CCND3: variants seen among roughly 807,000 people sequenced by gnomAD.
CCND3 encodes cyclin D3, also known as G1/S-specific cyclin-D3.
CCND3 carries 9 observed loss-of-function variants against 28.7 expected under a neutral mutation model. The ratio of observed to expected loss-of-function variants is 0.31; its 90% confidence interval spans 0.19 to 0.55. The LOEUF is 0.55. Ranked by LOEUF, CCND3 falls within the 20% of genes least tolerant of loss-of-function variation. CCND3 has a pLI of 0.93. For missense variants in CCND3, 315 were observed against 385.8 expected (o/e 0.82, Z 1.54); for synonymous variants, 164 against 163.9 (o/e 1.00, Z 0.00).
Position 42,011,156 on chromosome 6 carries a change from C to T in CCND3, c.-46+37345G>A, listed in dbSNP as rs1378096393. On this transcript the variant is annotated intron_variant, in intron 1 of 4. Transcript: ENST00000372988. ...TGATTGACTGAGAATCTCACTCTGT[C>T]ACCCAGGCTGGAGTATGTTGGTGCA... is the stretch of plus-strand genomic sequence containing the variant. The T allele has an allele frequency of 2.0e-5, 3 of 152,322 alleles. No homozygotes were observed. In the East Asian group the frequency reaches 5.8e-4, roughly 29 times the overall value. 9.4% of individuals were successfully genotyped at this position (152,322 alleles called of 1,614,324 possible).
chr6:42,007,343 C>T (rs1474479500), intron 1 of CCND3, among the ~76,000 whole-genome samples: 1 of 152,020 alleles, frequency 6.6e-6, no homozygotes, highest in Non-Finnish European at 1.5e-5. Context: ...GATAGATGGG[C>T]GGGTGGATGG....
rs555647929 is a variant in CCND3, at chr6:42,013,428, T to C, written c.-46+35073A>G. On this transcript the variant is annotated intron_variant, in intron 1 of 4. Transcript: ENST00000372988. ...CTAGATATTGCTAGAATGTAAGCTA[T>C]AGGAGGGCAGGGTTGTTGGCTTGTT... 5.3e-5 allele frequency among the ~76,000 whole-genome samples: 8 copies of C among 152,320 alleles called. No homozygotes were observed. In the South Asian group the frequency reaches 1.4e-3, roughly 28 times the overall value.
upstream of CCND3, chr6:42,049,583 T>C (rs12210689): frequency 0.086 from 13,051 of 152,282 alleles, 744 homozygotes; most frequent in East Asian, 0.25. Flanking sequence ...AAACCACTGG[T>C]AGCCGCGGGC....
chr6:41,951,316 G>C (rs1187104660), intron 1 of CCND3, among the ~76,000 whole-genome samples: 5 of 151,716 alleles, frequency 3.3e-5, no homozygotes, highest in Non-Finnish European at 7.4e-5. Context: ...AGCACTTTGG[G>C]AGGCCAAGGT....
chr6:42,022,447 A>G (rs1430046724), intron 1 of CCND3, among the ~76,000 whole-genome samples: 2 of 152,230 alleles, frequency 1.3e-5, no homozygotes, highest in East Asian at 3.8e-4. Context: ...AAATAAAACA[A>G]ACAATCGTTG....
chr6:42,045,165 T>C (rs1333338765), intron 1 of CCND3, among the ~76,000 whole-genome samples: 1 of 152,030 alleles, frequency 6.6e-6, no homozygotes, highest in African/African-American at 2.4e-5. Context: ...CCCTCTCCCA[T>C]ACTAGCAGCA....
chr6:41,994,694 A>T (rs899392438), intron 1 of CCND3, among the ~76,000 whole-genome samples: 5 of 152,118 alleles, frequency 3.3e-5, no homozygotes, highest in Admixed American at 3.3e-4. Context: ...ATAGTGAGGG[A>T]AGCTGTGCAT....
At chr6:41,937,128 T>A in intron 3 of CCND3, 107 bp downstream of exon 3, 1 of 1,305,974 alleles carries the variant, frequency 7.7e-7, no homozygotes, top group South Asian at 1.2e-5. Context: ...GGGGTATAAT[T>A]TTCACAAAGG....
chr6:42,009,617 C>CA lies in CCND3; in HGVS notation c.-46+38883dup, dbSNP rs1189333669. On this transcript the variant is annotated intron_variant, in intron 1 of 4. Coordinates refer to the CCND3 transcript ENST00000372988. ...ACAAGACCGAAACTCCGTTTCAAAA[C>CA]AAAAAAACAAAACAAAACAAAACAA... 2.2e-3 allele frequency among the ~76,000 whole-genome samples: 128 copies of CA among 58,682 alleles called. 1 individual carries two copies. Among genetic ancestry groups the CA allele is most frequent in the African/African-American group, 5.3e-3 (127 of 23,946 alleles). The allele number at this position is 58,682 out of a possible 152,430, so 38.5% of individuals were successfully genotyped here.
chr6:41,935,725 G>C lies in CCND3; in HGVS notation c.*215C>G. The C allele has an allele frequency of 1.8e-6, 1 of 570,544 alleles. No individual in the cohort carries two copies. Among genetic ancestry groups the C allele is most frequent in the South Asian group, 2.2e-5 (1 of 44,598 alleles). 35.3% of individuals were successfully genotyped at this position (570,544 alleles called of 1,614,324 possible). A position where few individuals can be genotyped will look rare whatever the true frequency, so the allele number is the denominator to read the frequency against. The stretch of plus-strand genomic sequence containing the variant: ...AAAGGCGCTGCTGGTCAGATGCAGG[G>C]AGGAGGAGCTTGACTAGCCACCGAA... On this transcript the variant is annotated 3_prime_UTR_variant, in exon 5 of 5. Transcript: ENST00000372991.
chr6:42,023,738 A>T (rs1763782492), intron 1 of CCND3, among the ~76,000 whole-genome samples: 1 of 151,904 alleles, frequency 6.6e-6, no homozygotes, highest in South Asian at 2.1e-4. Context: ...ACAAAATCCA[A>T]CACTAAAAGC....
Position 41,935,237 on chromosome 6 carries a change from C to A in CCND3, c.*703G>T, listed in dbSNP as rs941610682. The A allele has an allele frequency of 1.7e-5, 4 of 233,614 alleles. No homozygotes were observed. Among genetic ancestry groups the A allele is most frequent in the Non-Finnish European group, 3.4e-5 (4 of 118,094 alleles). The allele number at this position is 233,614 out of a possible 1,614,324, so 14.5% of individuals were successfully genotyped here. Reference sequence around the variant, plus strand: ...AGGAAAACAGCAACCACCAGGGTTACCACCACTTGTGGGATGGCCAGGACC... The same window carrying A: ...AGGAAAACAGCAACCACCAGGGTTAACACCACTTGTGGGATGGCCAGGACC... On this transcript the variant is annotated 3_prime_UTR_variant, in exon 5 of 5. Coordinates refer to ENST00000372991, the MANE Select transcript of CCND3 (RefSeq NM_001760.5).
chr6:41,946,317 C>A (rs1776166432), upstream of CCND3, among the ~76,000 whole-genome samples: 1 of 151,934 alleles, frequency 6.6e-6, no homozygotes, highest in South Asian at 2.1e-4. Flanking sequence ...ACAAAGTTGG[C>A]CGGGCACGGT....
chr6:41,950,986 G>A (rs1310991599), intron 1 of CCND3, among the ~76,000 whole-genome samples: 2 of 152,040 alleles, frequency 1.3e-5, no homozygotes, highest in Non-Finnish European at 2.9e-5. Flanking sequence ...GGGATTACAG[G>A]CGTGAGCCAC....
At chr6:42,031,631 C>G (rs946110169) in intron 1 of CCND3, among the ~76,000 whole-genome samples, 1 of 151,880 alleles carries the variant, frequency 6.6e-6, no homozygotes, top group Non-Finnish European at 1.5e-5. Context: ...AAAACAAAAC[C>G]CTTTTAGTTC....
At chr6:42,018,611 G>A (rs1202578014) in intron 1 of CCND3, 1 of 152,084 alleles carries the variant, frequency 6.6e-6, no homozygotes, top group Non-Finnish European at 1.5e-5. Flanking sequence ...GCTATCTCCA[G>A]TCGGGCCTGG....
intron 1 of CCND3, chr6:42,011,134 TTGAC>T (rs1763335087): frequency 6.6e-6 from 1 of 152,152 alleles, no homozygotes; most frequent in Admixed American, 6.6e-5. Context: ...GACTGATTGA[TTGAC>T]TGAGAATCTC....
chr6:42,003,689 A>C (rs1763088639), intron 1 of CCND3, among the ~76,000 whole-genome samples: 1 of 152,022 alleles, frequency 6.6e-6, no homozygotes, highest in Non-Finnish European at 1.5e-5. Flanking sequence ...CTGTAATCTC[A>C]GCACTTTGGG....
rs759416480 is a variant in CCND3 at position 41,936,661 on chromosome 6, G to A, written c.609C>T (p.Ile203=). The A allele has an allele frequency of 1.9e-5, 30 of 1,614,012 alleles. No homozygotes were observed. In the South Asian group the frequency reaches 2.1e-4, roughly 11 times the overall value. The part of the protein sequence containing the change: ...YTFAMYPPSM[I]ATGSIGAAVQ... ...CTGCAGCCCCAATGCTGCCCGTGGCGATCATGGATGGCGGGTACATGGCAA... is the reference window on the plus strand; with the variant it reads ...CTGCAGCCCCAATGCTGCCCGTGGCAATCATGGATGGCGGGTACATGGCAA... The change falls in exon 4 of 5, where the codon ATC becomes ATT. Residue 203 remains isoleucine, a synonymous_variant. Transcript: ENST00000372991. The surrounding 1 kb of genome is among the most constrained non-coding windows in gnomAD (Gnocchi z 4.4).
Sources: allele counts gnomAD v4.1 joint callset (sites outside exome capture counted in the v4.1 genomes callset), GRCh38; gene constraint gnomAD v4.1.1; non-coding constraint Gnocchi (gnomAD v3.1); transcripts MANE v1.5; gene names NCBI Gene and HGNC (gene_info 2026-07-23, HGNC 2026-07-21).